RPS17: variants seen among roughly 807,000 people sequenced by gnomAD.
RPS17 encodes ribosomal protein S17, also known as small ribosomal subunit protein eS17.
For synonymous variants in RPS17, 75 were observed against 65.6 expected (o/e 1.14, Z -0.70); for missense variants, 68 against 182.3 (o/e 0.37, Z 3.61).
At position 82,538,383 on chromosome 15, in the gene RPS17, C is replaced by A; in HGVS notation, c.262-12G>T. ...TCCAAGGCTGAGACCTACAAGGAAA[C>A]GAGGTAGGGTCAAAATACCAATCAA... On this transcript the variant is annotated splice_polypyrimidine_tract_variant and intron_variant, in intron 3 of 4. Transcript: ENST00000647841. 6.2e-7 allele frequency: 1 copy of A among 1,611,888 alleles called. No homozygotes were observed. The highest frequency in any genetic ancestry group is 8.5e-7 in the Non-Finnish European group (1 of 1,179,656).
chr15:82,537,067 C>G (rs1295512032), intron 4 of RPS17, 186 bp from the exon 5 acceptor site: 2 of 687,628 alleles, frequency 2.9e-6, no homozygotes, highest in East Asian at 5.4e-5. Context: ...TCCTTCAACA[C>G]ACACCTGACC....
rs759896823 is a variant in RPS17 at position 82,540,403 on chromosome 15, C to T, written c.3+23G>A. 31 of 1,592,746 alleles carry T rather than the reference C, an allele frequency of 1.9e-5. 1 individual carries two copies. In the East Asian group the frequency reaches 3.8e-4, roughly 20 times the overall value. On this transcript the variant is annotated intron_variant, in intron 1 of 4. Transcript: ENST00000647841. ...GATGGGGGACGATTGTGGAGGATGG[C>T]GGCCTCGAGCCAAAACACCTACCAT...
At chr15:82,539,038 C>T in intron 2 of RPS17, 53 bp from the exon 3 acceptor site, 1 of 1,553,796 alleles carries the variant, frequency 6.4e-7, no homozygotes, top group Non-Finnish European at 8.9e-7. Flanking sequence ...TCAACTCCCA[C>T]CTGGTACTGA....
rs946879838 is a variant in RPS17 at position 82,540,405 on chromosome 15, G to T, written c.3+21C>A. 3 of 1,593,162 alleles carry T rather than the reference G, an allele frequency of 1.9e-6. No homozygotes were observed. In the African/African-American group the frequency reaches 4.0e-5, roughly 21 times the overall value. ...TGGGGGACGATTGTGGAGGATGGCG[G>T]CCTCGAGCCAAAACACCTACCATGT... On this transcript the variant is annotated intron_variant, in intron 1 of 4. Transcript: ENST00000647841.
Position 82,538,742 on chromosome 15 carries a change from G to A in RPS17, c.261+138C>T, listed in dbSNP as rs1265728729. 1.0e-5 allele frequency: 9 copies of A among 887,092 alleles called. No homozygotes were observed. The Admixed American group carries it at 1.3e-4, about 13-fold the overall frequency. The allele number at this position is 887,092 out of a possible 1,614,324, so 55.0% of individuals were successfully genotyped here. A position where few individuals can be genotyped will look rare whatever the true frequency, so the allele number is the denominator to read the frequency against. On this transcript the variant is annotated intron_variant, in intron 3 of 4. Coordinates refer to ENST00000647841, the MANE Select transcript of RPS17 (RefSeq NM_001021.6). ...ATGGAGGCTAAGAAACTGGTAGGGG[G>A]CCTATGGGCACCCACAGCTGGTTAT...
chr15:82,540,207 C>A, intron 1 of RPS17, 75 bp from the exon 2 acceptor site: 1 of 1,612,366 alleles, frequency 6.2e-7, no homozygotes, highest in Non-Finnish European at 8.5e-7. Flanking sequence ...GAGCCCCGGC[C>A]GGTGTGGTTG....
rs1245251898 is a variant in RPS17 at position 82,540,453 on chromosome 15, G to A, written c.-25C>T. On this transcript the variant is annotated 5_prime_UTR_variant, in exon 1 of 5. Transcript: ENST00000647841. Reference sequence around the variant, plus strand: ...TGTTGGCGGGTCCTTGGTAAAAGAGGAAACAGGAAGCACAGGCGAAGCCTG... The same window carrying A: ...TGTTGGCGGGTCCTTGGTAAAAGAGAAAACAGGAAGCACAGGCGAAGCCTG... 13 of 1,589,082 alleles carry A rather than the reference G, an allele frequency of 8.2e-6. No individual in the cohort carries two copies. The highest frequency in any genetic ancestry group is 2.3e-5 in the South Asian group (2 of 87,118).
chr15:82,538,416 A>G, intron 3 of RPS17, 45 bp from the exon 4 acceptor site: 1 of 1,597,532 alleles, frequency 6.3e-7, no homozygotes, highest in Non-Finnish European at 8.6e-7. Flanking sequence ...CAATGAGATT[A>G]TCACTCACCT....
intron 2 of RPS17, 79 bp downstream of exon 2, chr15:82,539,902 C>T (rs1490208172): frequency 4.4e-6 from 7 of 1,608,562 alleles, no homozygotes; most frequent in South Asian, 3.3e-5. Context: ...ACCAAGGCAC[C>T]GTCTCTTCCC....
At chr15:82,539,388 C>T in intron 2 of RPS17, 1 of 464,490 alleles carries the variant, frequency 2.2e-6, no homozygotes, top group Non-Finnish European at 4.3e-6. Context: ...GTGAAGTAAG[C>T]ATTAGAAGTT....
intron 4 of RPS17, 24 bp from the exon 5 acceptor site, chr15:82,536,905 T>C (rs2034248707): frequency 6.2e-7 from 1 of 1,613,732 alleles, no homozygotes; most frequent in African/African-American, 1.3e-5. Flanking sequence ...ATGGATTCAG[T>C]GAGCAGTTAC....
At chr15:82,539,225 A>ACCCCCCC in intron 2 of RPS17, 1 of 590,992 alleles carries the variant, frequency 1.7e-6, no homozygotes, top group East Asian at 3.3e-5. Context: ...CCCACCCCCA[A>ACCCCCCC]CTCGCCCCGC....
At chr15:82,537,067 C>A in intron 4 of RPS17, 186 bp from the exon 5 acceptor site, 1 of 687,746 alleles carries the variant, frequency 1.5e-6, no homozygotes, top group South Asian at 1.6e-5. Flanking sequence ...TCCTTCAACA[C>A]ACACCTGACC....
At chr15:82,537,681 T>C (rs2034264951) in intron 4 of RPS17, 1 of 367,676 alleles carries the variant, frequency 2.7e-6, no homozygotes, top group Admixed American at 3.6e-5. Context: ...GTAGCTGTAC[T>C]GGTGATGTTT....
At chr15:82,540,155 C>T in intron 1 of RPS17, 23 bp from the exon 2 acceptor site, 1 of 1,613,698 alleles carries the variant, frequency 6.2e-7, no homozygotes, top group Non-Finnish European at 8.5e-7. Context: ...AGGACAGGAT[C>T]ACTCACGAGC....
At chr15:82,539,038 C>G in intron 2 of RPS17, 53 bp from the exon 3 acceptor site, 1 of 1,553,796 alleles carries the variant, frequency 6.4e-7, no homozygotes, top group African/African-American at 1.4e-5. Flanking sequence ...TCAACTCCCA[C>G]CTGGTACTGA....
chr15:82,537,774 G>C, intron 4 of RPS17: 2 of 437,246 alleles, frequency 4.6e-6, no homozygotes, highest in South Asian at 1.6e-5. Context: ...CATAAAAATA[G>C]GAAAAATGAA....
chr15:82,539,082 C>G (rs2150887901), intron 2 of RPS17, 97 bp from the exon 3 acceptor site: 2 of 1,232,348 alleles, frequency 1.6e-6, no homozygotes, highest in East Asian at 4.6e-5. Flanking sequence ...CGCTTTAGTT[C>G]TTTTCCACAG....
At chr15:82,537,603 T>C in intron 4 of RPS17, 1 of 341,570 alleles carries the variant, frequency 2.9e-6, no homozygotes, top group Admixed American at 4.2e-5. Flanking sequence ...AAACCCATTT[T>C]AGTTTCAACA....
Sources: gnomAD v4.1 joint callset for allele counts on GRCh38, gnomAD v4.1.1 for gene constraint, MANE v1.5 for transcripts, NCBI Gene and HGNC (gene_info 2026-07-23, HGNC 2026-07-21) for gene names.